The following LRP1B variants were observed in gnomAD, a reference collection of about 807,000 sequenced individuals.
The protein encoded by LRP1B is LDL receptor related protein 1B, also known as low-density lipoprotein receptor-related protein 1B.
LRP1B carries 217 observed loss-of-function variants against 556.6 expected under a neutral mutation model. That is an observed-to-expected ratio of 0.39 (90% CI 0.35 to 0.44). LRP1B has a LOEUF of 0.44. Ranked by LOEUF, LRP1B falls within the 20% of genes least tolerant of loss-of-function variation. LRP1B has a pLI of 1.00. For missense variants in LRP1B, 5,053 were observed against 5,620.8 expected (o/e 0.90, Z 3.23); for synonymous variants, 2,047 against 1,865.8 (o/e 1.10, Z -2.50).
chr2:141,293,065 T>C (rs1470640584), intron 3 of LRP1B, among the ~76,000 whole-genome samples: 2 of 152,202 alleles, frequency 1.3e-5, no homozygotes, highest in African/African-American at 4.8e-5. Context: ...AACATTCTTC[T>C]AAAAATTTAA....
At chr2:142,121,356 C>T (rs1707452183) in intron 1 of LRP1B, among the ~76,000 whole-genome samples, 1 of 152,154 alleles carries the variant, frequency 6.6e-6, no homozygotes, top group South Asian at 2.1e-4. Context: ...CAGAACCAAA[C>T]CCAAATGCCT....
At chr2:141,124,214 C>G (rs1701139907) in intron 7 of LRP1B, among the ~76,000 whole-genome samples, 1 of 152,078 alleles carries the variant, frequency 6.6e-6, no homozygotes, top group Admixed American at 6.6e-5. Flanking sequence ...GGTGATCTCA[C>G]CAAATTTAGG....
intron 35 of LRP1B, among the ~76,000 whole-genome samples, chr2:140,739,140 C>T (rs1389375655): frequency 6.6e-6 from 1 of 152,146 alleles, no homozygotes; most frequent in African/African-American, 2.4e-5. Context: ...GAGTTTGTTA[C>T]ACTGGCTTAG....
chr2:141,318,518 A>G (rs1397970250), intron 3 of LRP1B, among the ~76,000 whole-genome samples: 1 of 152,130 alleles, frequency 6.6e-6, no homozygotes, highest in African/African-American at 2.4e-5. Context: ...CTCCTTTTAA[A>G]ATATGTACAG....
intron 2 of LRP1B, among the ~76,000 whole-genome samples, chr2:141,638,384 T>TTTG (rs1203073333): frequency 6.6e-6 from 1 of 151,924 alleles, no homozygotes; most frequent in Non-Finnish European, 1.5e-5. Flanking sequence ...AATCTCTTTT[T>TTTG]TTGTTGTTGT....
intron 1 of LRP1B, among the ~76,000 whole-genome samples, chr2:142,117,653 G>C (rs1219388959): frequency 6.6e-6 from 1 of 152,012 alleles, no homozygotes; most frequent in Non-Finnish European, 1.5e-5. Flanking sequence ...GAGAGAGTCT[G>C]TGTATGTGTT....
intron 1 of LRP1B, among the ~76,000 whole-genome samples, chr2:141,883,897 C>A (rs1699031382): frequency 6.6e-6 from 1 of 152,118 alleles, no homozygotes; most frequent in African/African-American, 2.4e-5. Flanking sequence ...TATTTTCCTA[C>A]CAAATCCAAG....
chr2:140,351,064 AAAAT>A, intron 76 of LRP1B, 26 bp from the exon 77 acceptor site: 1 of 1,423,282 alleles, frequency 7.0e-7, no homozygotes, highest in Non-Finnish European at 9.6e-7. Context: ...ATAAAATACA[AAAAT>A]AAAGTAAATT....
At chr2:141,015,163 C>T (rs1407298290) in intron 13 of LRP1B, among the ~76,000 whole-genome samples, 1 of 151,914 alleles carries the variant, frequency 6.6e-6, no homozygotes, top group Non-Finnish European at 1.5e-5. Context: ...CTCAATTTTA[C>T]CTAAGAATTT....
intron 2 of LRP1B, among the ~76,000 whole-genome samples, chr2:141,633,808 G>T (rs1688999332): frequency 6.6e-6 from 1 of 151,924 alleles, no homozygotes; most frequent in African/African-American, 2.4e-5. Context: ...TTAAAGGACT[G>T]TTGAAGGTAA....
intron 11 of LRP1B, among the ~76,000 whole-genome samples, chr2:141,044,867 C>A (rs1264345628): frequency 6.6e-6 from 1 of 151,482 alleles, no homozygotes; most frequent in African/African-American, 2.4e-5. Flanking sequence ...TGTGGCGATT[C>A]CTCAGTGATC....
At chr2:140,898,834 T>C in intron 23 of LRP1B, 1 of 487,246 alleles carries the variant, frequency 2.1e-6, no homozygotes, top group Non-Finnish European at 4.1e-6. Flanking sequence ...GGTGGATCTT[T>C]CCAAGAACCA....
At chr2:141,777,052 A>C (rs1211261752) in intron 2 of LRP1B, among the ~76,000 whole-genome samples, 3 of 152,198 alleles carry the variant, frequency 2.0e-5, no homozygotes, top group Non-Finnish European at 4.4e-5. Flanking sequence ...TTTTCTGATA[A>C]ATAAAGTGGA....
intron 6 of LRP1B, among the ~76,000 whole-genome samples, chr2:141,200,646 C>T (rs762999075): frequency 1.3e-5 from 2 of 152,054 alleles, no homozygotes; most frequent in Admixed American, 6.6e-5. Flanking sequence ...CATACACACG[C>T]GGTGACTCAT....
intron 49 of LRP1B, among the ~76,000 whole-genome samples, chr2:140,518,253 CA>C (rs1175573323): frequency 1.3e-5 from 2 of 151,844 alleles, no homozygotes; most frequent in Non-Finnish European, 2.9e-5. Context: ...AGCATTAAAC[CA>C]AAACATTTTA....
At position 141,780,583 on chromosome 2, in the gene LRP1B, C is replaced by T. The variant is rs141378834; in HGVS notation, c.205+29696G>A. Among the ~76,000 whole-genome samples, 423 of 152,194 alleles carry T rather than the reference C, an allele frequency of 2.8e-3. 4 individuals carry two copies. The highest frequency in any genetic ancestry group is 9.6e-3 in the African/African-American group (400 of 41,528). ...CACCACGGGCTATTTTAAGCTATCGCGTGGCATCACTGAACTGGACTTGGA... is the reference window on the plus strand; with the variant it reads ...CACCACGGGCTATTTTAAGCTATCGTGTGGCATCACTGAACTGGACTTGGA... On this transcript the variant is annotated intron_variant, in intron 2 of 90. Transcript: ENST00000389484.
At chr2:141,130,932 C>T (rs1183513943) in intron 7 of LRP1B, among the ~76,000 whole-genome samples, 1 of 152,022 alleles carries the variant, frequency 6.6e-6, no homozygotes, top group Non-Finnish European at 1.5e-5. Context: ...GAACAGAAAA[C>T]CAAACACCAC....
At chr2:141,797,332 A>G (rs1005102605) in intron 2 of LRP1B, among the ~76,000 whole-genome samples, 2 of 151,546 alleles carry the variant, frequency 1.3e-5, no homozygotes, top group African/African-American at 4.8e-5. Flanking sequence ...AGAGAGGAAA[A>G]GATTGCTGTC....
intron 2 of LRP1B, among the ~76,000 whole-genome samples, chr2:141,603,456 C>G (rs980800964): frequency 6.6e-6 from 1 of 152,110 alleles, no homozygotes; most frequent in African/African-American, 2.4e-5. Flanking sequence ...GTTCATATTT[C>G]CATAATACAG....
Sources: allele counts gnomAD v4.1 joint callset (sites outside exome capture counted in the v4.1 genomes callset), GRCh38; gene constraint gnomAD v4.1.1; transcripts MANE v1.5; gene names NCBI Gene and HGNC (gene_info 2026-07-23, HGNC 2026-07-21).